Variants in AOAH observed in about 807,000 individuals in gnomAD.
The protein encoded by AOAH is acyloxyacyl hydrolase (neutrophil).
Under a neutral mutation model 92.2 loss-of-function variants are expected in AOAH, and 64 were observed. The observed-to-expected ratio is 0.69, with a 90% confidence interval of 0.57 to 0.86. The LOEUF (loss-of-function observed/expected upper bound fraction) is 0.86, where lower values mean the gene tolerates loss of function less well. Ranked by LOEUF, AOAH falls within the 40% of genes least tolerant of loss-of-function variation. The pLI, the probability that AOAH is intolerant of heterozygous loss-of-function variation, is 0.00. For synonymous variants in AOAH, 263 were observed against 254.5 expected (o/e 1.03, Z -0.32); for missense variants, 656 against 694.6 (o/e 0.94, Z 0.62).
intron 3 of AOAH, among the ~76,000 whole-genome samples, chr7:36,671,369 C>A (rs546694192): frequency 5.3e-5 from 8 of 152,230 alleles, no homozygotes; most frequent in African/African-American, 1.7e-4. Context: ...CTTTCATAAA[C>A]ATATAGTCAG....
chr7:36,565,207 T>C (rs6462686), intron 13 of AOAH, among the ~76,000 whole-genome samples: 55,047 of 152,020 alleles, frequency 0.36, 10,656 homozygotes, highest in Non-Finnish European at 0.43. Flanking sequence ...CTCTGTCACC[T>C]CTGTCATCTG....
rs60180758 is a variant in AOAH at position 36,516,469 on chromosome 7, C to CCACACA, written c.1600-3095_1600-3090dup. ...CACACACACAGAAAGTGCACGGATACCACACACACACACACACAGAAAGCG... is the reference window on the plus strand; with the variant it reads ...CACACACACAGAAAGTGCACGGATACCACACACACACACACACACACACAGAAAGCG... On this transcript the variant is annotated intron_variant, in intron 20 of 20. Transcript: ENST00000617537. The surrounding 1 kb of genome is among the most constrained non-coding windows in gnomAD (Gnocchi z 5.0). Among the ~76,000 whole-genome samples the CCACACA allele has an allele frequency of 2.3e-5, 2 of 88,256 alleles. No homozygotes were observed. Among genetic ancestry groups the CCACACA allele is most frequent in the African/African-American group, 3.7e-5 (1 of 27,226 alleles). The allele number at this position is 88,256 out of a possible 152,430, so 57.9% of individuals were successfully genotyped here.
At chr7:36,531,739 G>A (rs1784701141) in intron 18 of AOAH, among the ~76,000 whole-genome samples, 1 of 152,218 alleles carries the variant, frequency 6.6e-6, no homozygotes, top group Admixed American at 6.5e-5. Flanking sequence ...GAGAAGGGAG[G>A]AAGGTTCTTA....
At chr7:36,597,128 G>T (rs1790184837) in intron 11 of AOAH, among the ~76,000 whole-genome samples, 1 of 152,134 alleles carries the variant, frequency 6.6e-6, no homozygotes, top group Admixed American at 6.5e-5. Flanking sequence ...TGGTCAGGAA[G>T]TATGGCGTCC....
intron 20 of AOAH, among the ~76,000 whole-genome samples, chr7:36,517,226 G>GTCTC (rs68054405): frequency 3.2e-4 from 39 of 121,526 alleles, no homozygotes; most frequent in East Asian, 1.1e-3. Flanking sequence ...CTTTCTTTCT[G>GTCTC]TCTCTCTCTC....
At chr7:36,703,563 GGCCC>G (rs1798171823) in intron 1 of AOAH, among the ~76,000 whole-genome samples, 1 of 151,924 alleles carries the variant, frequency 6.6e-6, no homozygotes, top group Non-Finnish European at 1.5e-5. Flanking sequence ...CCCACCTACA[GGCCC>G]TGGTGTGTGA....
chr7:36,608,593 C>T (rs1193471951), intron 11 of AOAH, among the ~76,000 whole-genome samples: 3 of 152,182 alleles, frequency 2.0e-5, no homozygotes, highest in African/African-American at 7.2e-5. Context: ...AACTAAAGCT[C>T]AGAGTAAAGA....
chr7:36,565,024 T>C (rs1256211122), intron 13 of AOAH, among the ~76,000 whole-genome samples: 1 of 152,222 alleles, frequency 6.6e-6, no homozygotes, highest in Non-Finnish European at 1.5e-5. Flanking sequence ...AAATGAGATA[T>C]GTCATATTGA....
At chr7:36,647,153 C>T (rs956812870) in intron 4 of AOAH, among the ~76,000 whole-genome samples, 1 of 152,146 alleles carries the variant, frequency 6.6e-6, no homozygotes, top group Non-Finnish European at 1.5e-5. Flanking sequence ...AAGATGCAGA[C>T]ATTAAATATT....
At chr7:36,517,937 A>ACC (rs1488246842) in intron 20 of AOAH, among the ~76,000 whole-genome samples, 1 of 55,852 alleles carries the variant, frequency 1.8e-5, no homozygotes, top group Non-Finnish European at 4.5e-5. Context: ...ACACCCACAC[A>ACC]CACACACCCA....
chr7:36,656,883 G>GT (rs1384390190), intron 4 of AOAH, among the ~76,000 whole-genome samples: 4 of 149,078 alleles, frequency 2.7e-5, no homozygotes, highest in Admixed American at 6.8e-5. Context: ...GGTTTGGTGG[G>GT]GGGTGTTGGC....
rs1235758362 is a variant in AOAH, at chr7:36,716,604, A to C, written c.127+7418T>G. 2.7e-4 allele frequency among the ~76,000 whole-genome samples: 40 copies of C among 145,862 alleles called. 1 individual carries two copies. Among genetic ancestry groups the C allele is most frequent in the Middle Eastern group, 3.4e-3 (1 of 292 alleles). On this transcript the variant is annotated intron_variant, in intron 1 of 20. Coordinates refer to ENST00000617537, the MANE Select transcript of AOAH (RefSeq NM_001637.4). Reference sequence around the variant, plus strand: ...TCCAACAATGATAGACTGGATTAAGAAAATGTGGCACATACACACCATGGA... The same window carrying C: ...TCCAACAATGATAGACTGGATTAAGCAAATGTGGCACATACACACCATGGA...
intron 4 of AOAH, among the ~76,000 whole-genome samples, chr7:36,639,720 G>A (rs1333281288): frequency 1.3e-5 from 2 of 152,196 alleles, no homozygotes; most frequent in Non-Finnish European, 2.9e-5. Context: ...CTTGTTTCTT[G>A]TTGAAGAAAA....
intron 1 of AOAH, among the ~76,000 whole-genome samples, chr7:36,698,089 A>T (rs966216462): frequency 6.6e-6 from 1 of 152,202 alleles, no homozygotes; most frequent in Non-Finnish European, 1.5e-5. Flanking sequence ...AAACGAATAC[A>T]ATTTCTAATT....
chr7:36,601,423 G>T (rs547503272), intron 11 of AOAH, among the ~76,000 whole-genome samples: 87 of 145,168 alleles, frequency 6.0e-4, no homozygotes, highest in African/African-American at 2.1e-3. Context: ...ACTGTGCTGG[G>T]CACTCTGTTG....
In AOAH at chr7:36,528,167, A is replaced by G. The variant is rs190345893; in HGVS notation, c.1522+2251T>C. Among the ~76,000 whole-genome samples the G allele has an allele frequency of 3.4e-3, 516 of 152,316 alleles. 3 individuals are homozygous for G. The highest frequency in any genetic ancestry group is 5.6e-3 in the Non-Finnish European group (384 of 68,030). ...GAGGAGAAGATGAAGAAGGCCCTGC[A>G]CCAAAACTAGATCTTCACATTTATT... On this transcript the variant is annotated intron_variant, in intron 19 of 20. Coordinates refer to ENST00000617537, the MANE Select transcript of AOAH (RefSeq NM_001637.4).
chr7:36,588,647 G>A (rs139845830), intron 12 of AOAH, among the ~76,000 whole-genome samples: 1 of 152,228 alleles, frequency 6.6e-6, no homozygotes, highest in East Asian at 1.9e-4. Flanking sequence ...CCAATTTTCT[G>A]GCTTTACTGC....
intron 13 of AOAH, among the ~76,000 whole-genome samples, chr7:36,560,031 T>C (rs1426599387): frequency 6.6e-6 from 1 of 152,210 alleles, no homozygotes; most frequent in Non-Finnish European, 1.5e-5. Context: ...TTGTTGATGG[T>C]CAGATGGCTG....
At chr7:36,613,409 T>C (rs1037875591) in intron 11 of AOAH, among the ~76,000 whole-genome samples, 2 of 152,258 alleles carry the variant, frequency 1.3e-5, no homozygotes, top group African/African-American at 2.4e-5. Context: ...GTCTATTTTA[T>C]ACCCTGGCCT....
Sources: allele counts gnomAD v4.1 joint callset (sites outside exome capture counted in the v4.1 genomes callset), GRCh38; gene constraint gnomAD v4.1.1; non-coding constraint Gnocchi (gnomAD v3.1); transcripts MANE v1.5; gene names NCBI Gene and HGNC (gene_info 2026-07-23, HGNC 2026-07-21).